The following DMD variants were observed in gnomAD, a reference collection of about 807,000 sequenced individuals.
DMD encodes the protein mutant dystrophin.
Under a neutral mutation model 330.1 loss-of-function variants are expected in DMD, and 63 were observed. The observed-to-expected ratio is 0.19, with a 90% confidence interval of 0.16 to 0.24. The LOEUF is 0.24. Among genes scored for constraint, DMD ranks in the 10% least tolerant of loss-of-function variants. The pLI is 1.00. For synonymous variants in DMD, 1,223 were observed against 959.8 expected, an observed-to-expected ratio of 1.27 and a Z score of -5.07; for missense variants, 3,344 against 2,684.1, an observed-to-expected ratio of 1.25 and a Z score of -5.43.
chrX:31,672,322 G>A (rs757000721), intron 53 of DMD, among the ~76,000 whole-genome samples: 4 of 111,959 alleles, frequency 3.6e-5, no homozygotes, highest in Non-Finnish European at 1.9e-5. Context: ...CTAGCATATG[G>A]CCTACCCTAG....
chrX:32,486,860 T>A (rs2042533002), intron 20 of DMD, among the ~76,000 whole-genome samples: 1 of 106,389 alleles, frequency 9.4e-6, no homozygotes, highest in Non-Finnish European at 2.0e-5. Flanking sequence ...TCAAGATGGA[T>A]TAAAGATTTA....
At position 32,103,398 on chromosome X, in the gene DMD, T is replaced by C. The variant is rs372511592; in HGVS notation, c.6438+113518A>G. ...GGATTTTTACTAAGAGAAGAATCTT[T>C]CTTCACATGATGACTCTATAACTTA... On this transcript the variant is annotated intron_variant, in intron 44 of 78. Coordinates refer to ENST00000357033, the MANE Select transcript of DMD (RefSeq NM_004006.3). 8.9e-5 allele frequency among the ~76,000 whole-genome samples: 10 copies of C among 111,741 alleles called. No individual in the cohort carries two copies. In the East Asian group the frequency reaches 2.3e-3, roughly 25 times the overall value.
chrX:31,241,056 T>C (rs1026618873), intron 63 of DMD, among the ~76,000 whole-genome samples: 8 of 104,555 alleles, frequency 7.7e-5, no homozygotes, highest in African/African-American at 2.8e-4. Flanking sequence ...GTATCTTGGA[T>C]ATATACTTGC....
intron 30 of DMD, among the ~76,000 whole-genome samples, chrX:32,406,580 G>C (rs926645301): frequency 9.0e-6 from 1 of 111,141 alleles, no homozygotes; most frequent in African/African-American, 3.3e-5. Context: ...TATTGAACCA[G>C]CCTTGCATCC....
At chrX:33,291,646 C>G (rs939124215) in intron 1 of DMD, among the ~76,000 whole-genome samples, 1 of 111,093 alleles carries the variant, frequency 9.0e-6, no homozygotes, top group Non-Finnish European at 1.9e-5. Flanking sequence ...GATAGACACC[C>G]AATTTATTTG....
Position 31,874,235 on chromosome X carries a change from A to C in DMD, c.7098+953T>G, listed in dbSNP as rs189592763. ...CTGAAAGAAGTCATTTAAAGAAGAG[A>C]GAAAACCAAGATCACAGGTATGACA... On this transcript the variant is annotated intron_variant, in intron 48 of 78. Transcript: ENST00000357033. 1.8e-3 allele frequency among the ~76,000 whole-genome samples: 198 copies of C among 111,582 alleles called. 2 individuals are homozygous for C. The highest frequency in any genetic ancestry group is 6.2e-3 in the African/African-American group (191 of 30,764).
At chrX:32,724,982 G>C (rs73209882) in intron 7 of DMD, among the ~76,000 whole-genome samples, 20 of 111,655 alleles carry the variant, frequency 1.8e-4, no homozygotes, top group Non-Finnish European at 2.8e-4. Context: ...TAACAGCTTA[G>C]TGCGTAAATA....
At chrX:31,225,392 T>C (rs1181014872) in intron 63 of DMD, among the ~76,000 whole-genome samples, 1 of 112,613 alleles carries the variant, frequency 8.9e-6, no homozygotes, top group Admixed American at 9.4e-5. Context: ...GACGGGCCTG[T>C]GTAGTGATAT....
At chrX:32,287,970 T>C (rs188382892) in intron 42 of DMD, among the ~76,000 whole-genome samples, 3 of 110,857 alleles carry the variant, frequency 2.7e-5, no homozygotes, top group Admixed American at 1.9e-4. Flanking sequence ...CCTCTTCTGC[T>C]TTCCTTTGCT....
chrX:31,879,207 G>GGT (rs1173371972), intron 47 of DMD, among the ~76,000 whole-genome samples: 4 of 22,585 alleles, frequency 1.8e-4, no homozygotes, highest in Admixed American at 4.8e-4. Flanking sequence ...CATTCTACAT[G>GGT]GCGGGGGGGG....
At chrX:32,604,045 A>G (rs1382051843) in intron 12 of DMD, among the ~76,000 whole-genome samples, 4 of 110,954 alleles carry the variant, frequency 3.6e-5, no homozygotes, top group Non-Finnish European at 7.6e-5. Context: ...GGACACAACA[A>G]AAAGGAAACC....
intron 62 of DMD, among the ~76,000 whole-genome samples, chrX:31,320,581 C>T (rs756013340): frequency 2.7e-5 from 3 of 111,932 alleles, no homozygotes; most frequent in East Asian, 2.8e-4. Context: ...AGATTATGAA[C>T]GGCATTAAGC....
chrX:32,729,565 C>A (rs1003072088), intron 7 of DMD, among the ~76,000 whole-genome samples: 1 of 111,764 alleles, frequency 8.9e-6, no homozygotes, highest in Non-Finnish European at 1.9e-5. Context: ...TAACCACCCC[C>A]CCAATCTATC....
chrX:31,880,008 T>C lies in DMD; in HGVS notation c.6913-4635A>G, dbSNP rs1189853361. On this transcript the variant is annotated intron_variant, in intron 47 of 78. Coordinates refer to ENST00000357033, the MANE Select transcript of DMD (RefSeq NM_004006.3). ...CAAACACATTCAATTCCCTTATGTG[T>C]TAATTTAGTATCTAAGCACATCTTG... Among the ~76,000 whole-genome samples the C allele has an allele frequency of 2.7e-5, 3 of 112,009 alleles. No individual in the cohort carries two copies. The Admixed American group carries it at 2.9e-4, about 11-fold the overall frequency.
At chrX:32,154,067 CAA>C in intron 44 of DMD, among the ~76,000 whole-genome samples, 1 of 111,754 alleles carries the variant, frequency 8.9e-6, no homozygotes, top group East Asian at 2.8e-4. Flanking sequence ...GTAAACCTCA[CAA>C]GAGAAAAAAG....
intron 9 of DMD, among the ~76,000 whole-genome samples, chrX:32,674,411 C>T (rs181489378): frequency 6.6e-4 from 74 of 111,545 alleles, no homozygotes; most frequent in Non-Finnish European, 2.8e-4. Flanking sequence ...TGAATATATG[C>T]TATGAAGGGT....
At chrX:32,336,010 ATATAAC>A in intron 41 of DMD, among the ~76,000 whole-genome samples, 1 of 95,460 alleles carries the variant, frequency 1.0e-5, no homozygotes, top group South Asian at 4.3e-4. Flanking sequence ...ATAACGTTAT[ATATAAC>A]GTGTATATAT....
chrX:31,552,949 A>G (rs949349045), intron 55 of DMD, among the ~76,000 whole-genome samples: 3 of 111,913 alleles, frequency 2.7e-5, no homozygotes, highest in Non-Finnish European at 5.6e-5. Context: ...AGTAGTATGG[A>G]AAGAAGGAAG....
In DMD at chrX:32,816,622, T is replaced by C. The variant is rs756725662; in HGVS notation, c.376A>G (p.Asn126Asp). The change falls in exon 6 of 79, where the codon AAT (asparagine) becomes GAT (aspartate). Residue 126 changes from asparagine to aspartate, a missense_variant. Asn to Asp is a conservative substitution (Grantham distance 23). Coordinates refer to ENST00000357033, the MANE Select transcript of DMD (RefSeq NM_004006.3). Reference protein sequence around the residue: ...LHWQVKNVMKNIMAGLQQTNS... With the variant: ...LHWQVKNVMKDIMAGLQQTNS... ...GTTTGTTGCAATCCAGCCATGATATTTTTCATTACATTTTTGACCTACATG... is the reference window on the plus strand; with the variant it reads ...GTTTGTTGCAATCCAGCCATGATATCTTTCATTACATTTTTGACCTACATG... 8.3e-7 allele frequency: 1 copy of C among 1,211,617 alleles called. No homozygotes were observed. The highest frequency in any genetic ancestry group is 2.2e-5 in the Admixed American group (1 of 46,018).
Sources: gnomAD v4.1 joint callset for allele counts (sites outside exome capture counted in the v4.1 genomes callset) on GRCh38, gnomAD v4.1.1 for gene constraint, MANE v1.5 for transcripts, NCBI Gene and HGNC (gene_info 2026-07-23, HGNC 2026-07-21) for gene names.